The following TM7SF2 variants were observed in gnomAD, a reference collection of about 807,000 sequenced individuals.
TM7SF2 encodes the protein delta(14)-sterol reductase TM7SF2.
In TM7SF2, 51 loss-of-function variants were observed where a neutral mutation model predicts 51.0. The ratio of observed to expected loss-of-function variants is 1.00; its 90% confidence interval spans 0.80 to 1.26. The LOEUF (loss-of-function observed/expected upper bound fraction) is 1.26, where lower values mean the gene tolerates loss of function less well. TM7SF2 is among the 50% of genes most tolerant of loss of function. The pLI, the probability that TM7SF2 is intolerant of heterozygous loss-of-function variation, is 0.00. For missense variants in TM7SF2, 541 were observed against 547.4 expected, an observed-to-expected ratio of 0.99 and a Z score of 0.12; for synonymous variants, 255 against 241.0, an observed-to-expected ratio of 1.06 and a Z score of -0.54.
intron 3 of TM7SF2, 93 bp downstream of exon 3, chr11:65,112,958 C>A: frequency 6.9e-7 from 1 of 1,452,812 alleles, no homozygotes; most frequent in Non-Finnish European, 9.3e-7. Flanking sequence ...GGCCCCCACC[C>A]CAGGCTCCTT....
chr11:65,112,462 CG>C, intron 1 of TM7SF2, 52 bp from the exon 2 acceptor site: 1 of 1,454,208 alleles, frequency 6.9e-7, no homozygotes, highest in Non-Finnish European at 9.0e-7. Flanking sequence ...TGCGGGCCGG[CG>C]GGGAGCTGGG....
chr11:65,115,262 G>C, intron 7 of TM7SF2, 52 bp from the exon 8 acceptor site: 2 of 1,604,032 alleles, frequency 1.2e-6, no homozygotes, highest in Non-Finnish European at 1.7e-6. Flanking sequence ...TCGGGGTCAG[G>C]CAGGAGGCTG....
At chr11:65,115,668 C>T in intron 9 of TM7SF2, 70 bp downstream of exon 9, 2 of 1,610,090 alleles carry the variant, frequency 1.2e-6, no homozygotes, top group Admixed American at 1.7e-5. Flanking sequence ...CACAGGATGC[C>T]TACTTTGGGT....
intron 9 of TM7SF2, 91 bp from the exon 10 acceptor site, chr11:65,115,802 G>A (rs1947973705): frequency 1.9e-6 from 3 of 1,601,762 alleles, no homozygotes; most frequent in South Asian, 1.1e-5. Context: ...GCTGAGCCCC[G>A]ATGCCCACAT....
At position 65,113,262 on chromosome 11, in the gene TM7SF2, G is replaced by A. The variant is rs377641143; in HGVS notation, c.347G>A (p.Gly116Glu). 1.9e-6 allele frequency: 3 copies of A among 1,607,296 alleles called. No homozygotes were observed. Among genetic ancestry groups the A allele is most frequent in the Non-Finnish European group, 1.7e-6 (2 of 1,179,918 alleles). Residue 116 changes from glycine (G) to glutamate (E), a missense_variant, in exon 4 of 10, where the codon GGG (glycine) becomes GAG (glutamate). Physicochemically the swap from Gly to Glu is moderately conservative, Grantham distance 98. Transcript: ENST00000279263. ...CTGACAGCCCTGTTGGTGGGGCTGGGGATGTCAGCGGGGCTGCCTCTGGGG... is the reference window on the plus strand; with the variant it reads ...CTGACAGCCCTGTTGGTGGGGCTGGAGATGTCAGCGGGGCTGCCTCTGGGG... ...LVLTALLVGL[G>E]MSAGLPLGAL...
chr11:65,112,158 TG>T, intron 1 of TM7SF2, 91 bp downstream of exon 1: 1 of 1,326,458 alleles, frequency 7.5e-7, no homozygotes, highest in Non-Finnish European at 1.0e-6. Flanking sequence ...GATCTGAGGA[TG>T]GAAGGCTTTG....
chr11:65,112,037 CG>C lies in TM7SF2; in HGVS notation c.25del (p.Ala9ProfsTer82). 6.3e-7 allele frequency: 1 copy of C among 1,593,172 alleles called. No homozygotes were observed. The highest frequency in any genetic ancestry group is 1.3e-5 in the African/African-American group (1 of 74,724). On this transcript the variant is annotated frameshift_variant, in exon 1 of 10. Transcript: ENST00000279263. LOFTEE classifies it high-confidence loss of function. ...GACCATGGCCCCCACTCAGGGCCCC[CG>C]GGCCCCGCTGGAATTCGGAGGGCCC... MAPTQGP[R>X]APLEFGGPLG...
At position 65,111,999 on chromosome 11, in the gene TM7SF2, C is replaced by A; in HGVS notation, c.-17C>A. The A allele has an allele frequency of 1.9e-6, 3 of 1,577,324 alleles. No individual in the cohort carries two copies. The highest frequency in any genetic ancestry group is 2.6e-6 in the Non-Finnish European group (3 of 1,162,094). The stretch of plus-strand genomic sequence containing the variant: ...TGACTATTGTGAGCGCCCTCTCTCT[C>A]CGGCGGAGCGGAGACCATGGCCCCC... On this transcript the variant is annotated 5_prime_UTR_variant, in exon 1 of 10. Transcript: ENST00000279263.
At chr11:65,112,244 G>A (rs961696101) in intron 1 of TM7SF2, 177 bp downstream of exon 1, 3 of 703,362 alleles carry the variant, frequency 4.3e-6, no homozygotes, top group East Asian at 2.9e-5. Flanking sequence ...GGAGGGGCCG[G>A]TTCTGGGGGC....
intron 5 of TM7SF2, 180 bp downstream of exon 5, chr11:65,113,774 C>CA: frequency 1.6e-6 from 1 of 622,154 alleles, no homozygotes; most frequent in Non-Finnish European, 2.8e-6. Context: ...AAGTTAGAGG[C>CA]AAAAAAGCAT....
intron 1 of TM7SF2, 117 bp from the exon 2 acceptor site, chr11:65,112,398 G>T (rs1947916868): frequency 8.6e-7 from 1 of 1,163,018 alleles, no homozygotes; most frequent in Admixed American, 3.3e-5. Flanking sequence ...GACGGGGTGC[G>T]GAGGCGCACT....
In TM7SF2 at chr11:65,116,109, A is replaced by G; in HGVS notation, c.*56A>G. The G allele has an allele frequency of 6.4e-7, 1 of 1,570,118 alleles. No homozygotes were observed. The highest frequency in any genetic ancestry group is 8.6e-7 in the Non-Finnish European group (1 of 1,160,880). On this transcript the variant is annotated 3_prime_UTR_variant, in exon 10 of 10. Coordinates refer to ENST00000279263, the MANE Select transcript of TM7SF2 (RefSeq NM_003273.6). ...TGCCCACTCATCCACCAGCACACCC[A>G]GGACCAGGAGCCTCGACACACTTGG...
Position 65,116,101 on chromosome 11 carries a change from G to A in TM7SF2, c.*48G>A, listed in dbSNP as rs762488394. 1.3e-6 allele frequency: 2 copies of A among 1,580,020 alleles called. No homozygotes were observed. Among genetic ancestry groups the A allele is most frequent in the Non-Finnish European group, 1.7e-6 (2 of 1,166,406 alleles). Reference sequence around the variant, plus strand: ...GGGGCATGTGCCCACTCATCCACCAGCACACCCAGGACCAGGAGCCTCGAC... The same window carrying A: ...GGGGCATGTGCCCACTCATCCACCAACACACCCAGGACCAGGAGCCTCGAC... On this transcript the variant is annotated 3_prime_UTR_variant, in exon 10 of 10. Transcript: ENST00000279263.
At position 65,115,899 on chromosome 11, in the gene TM7SF2, C is replaced by T; in HGVS notation, c.1103C>T (p.Ser368Leu). ...ALAWSLPCGV[S>L]HLLPYFYLLY... ...AGAGCCTCCTTCTCTACAGGGGTGT[C>T]ACACCTGCTGCCCTACTTCTACCTC... The change falls in exon 10 of 10, where the codon TCA becomes TTA. Residue 368 changes from serine (S) to leucine (L), a missense_variant. Coordinates refer to ENST00000279263, the MANE Select transcript of TM7SF2 (RefSeq NM_003273.6). 1 of 1,614,054 alleles carries T rather than the reference C, an allele frequency of 6.2e-7. No homozygotes were observed. Among genetic ancestry groups the T allele is most frequent in the Non-Finnish European group, 8.5e-7 (1 of 1,180,002 alleles).
At position 65,114,812 on chromosome 11, in the gene TM7SF2, G is replaced by A; in HGVS notation, c.703G>A (p.Gly235Ser). 6.2e-7 allele frequency: 1 copy of A among 1,614,272 alleles called. No individual in the cohort carries two copies. The highest frequency in any genetic ancestry group is 8.5e-7 in the Non-Finnish European group (1 of 1,180,044). Residue 235 changes from glycine to serine, a missense_variant, in exon 6 of 10, where the codon GGT (glycine) becomes AGT (serine). By Grantham distance (56) the Gly-to-Ser change is moderately conservative. Transcript: ENST00000279263. Reference sequence around the variant, plus strand: ...CAATGGCTTCCAGTTGCTCTACGTGGGTGATGCCCTCTGGCACGAGGTGAG... The same window carrying A: ...CAATGGCTTCCAGTTGCTCTACGTGAGTGATGCCCTCTGGCACGAGGTGAG... ...LVNGFQLLYV[G>S]DALWHEEAVL...
intron 5 of TM7SF2, among the ~76,000 whole-genome samples, chr11:65,114,367 T>C (rs12295393): frequency 0.058 from 8,901 of 152,236 alleles, 344 homozygotes; most frequent in African/African-American, 0.092. Context: ...AACACGATGA[T>C]GCCATTGAGT....
In TM7SF2 at chr11:65,112,542, C is replaced by T. The variant is rs1436680054; in HGVS notation, c.80C>T (p.Pro27Leu). Reference protein sequence around the residue: ...LGAAALLLLLPATMFHLLLAA... With the variant: ...LGAAALLLLLLATMFHLLLAA... ...GCCGCGGCTCTGCTACTGCTGCTGC[C>T]CGCCACCATGTTCCACCTGCTCCTG... The change falls in exon 2 of 10, where the codon CCC becomes CTC. Residue 27 changes from proline (P) to leucine (L), a missense_variant. Physicochemically the swap from Pro to Leu is moderately conservative, Grantham distance 98. Coordinates refer to ENST00000279263, the MANE Select transcript of TM7SF2 (RefSeq NM_003273.6). 25 of 1,533,062 alleles carry T rather than the reference C, an allele frequency of 1.6e-5. No homozygotes were observed. Among genetic ancestry groups the T allele is most frequent in the Non-Finnish European group, 2.2e-5 (25 of 1,149,516 alleles). The allele number at this position is 1,533,062 out of a possible 1,614,324, so 95.0% of individuals were successfully genotyped here.
At position 65,116,074 on chromosome 11, in the gene TM7SF2, T is replaced by TG; in HGVS notation, c.*26dup. 1 of 1,594,882 alleles carries TG rather than the reference T, an allele frequency of 6.3e-7. No homozygotes were observed. ...ACTGAAGCGGCTCCACCACCCCAGG[T>TG]GGGGGCATGTGCCCACTCATCCACC... On this transcript the variant is annotated 3_prime_UTR_variant, in exon 10 of 10. Transcript: ENST00000279263.
In TM7SF2 at chr11:65,116,098, C is replaced by T; in HGVS notation, c.*45C>T. On this transcript the variant is annotated 3_prime_UTR_variant, in exon 10 of 10. Transcript: ENST00000279263. ...GTGGGGGCATGTGCCCACTCATCCACCAGCACACCCAGGACCAGGAGCCTC... is the reference window on the plus strand; with the variant it reads ...GTGGGGGCATGTGCCCACTCATCCATCAGCACACCCAGGACCAGGAGCCTC... 1 of 1,580,492 alleles carries T rather than the reference C, an allele frequency of 6.3e-7. No individual in the cohort carries two copies. Among genetic ancestry groups the T allele is most frequent in the Non-Finnish European group, 8.6e-7 (1 of 1,166,550 alleles).
Sources: allele counts gnomAD v4.1 joint callset (sites outside exome capture counted in the v4.1 genomes callset), GRCh38; gene constraint gnomAD v4.1.1; transcripts MANE v1.5; gene names NCBI Gene and HGNC (gene_info 2026-07-23, HGNC 2026-07-21).